The following ZYG11A variants were observed in gnomAD, a reference collection of about 807,000 sequenced individuals.
The protein encoded by ZYG11A is zyg-11 family member A, cell cycle regulator, also known as protein zyg-11 homolog A.
ZYG11A carries 62 observed loss-of-function variants against 77.2 expected under a neutral mutation model. That is an observed-to-expected ratio of 0.80 (90% CI 0.65 to 0.99). The LOEUF is 0.99. ZYG11A is among the 50% of genes least tolerant of loss of function. The probability of loss-of-function intolerance (pLI) is 0.00; values close to 1 mark genes in which losing one functional copy is unlikely to be tolerated. For missense variants in ZYG11A, 828 were observed against 896.8 expected, an observed-to-expected ratio of 0.92 and a Z score of 0.98; for synonymous variants, 315 against 324.6, an observed-to-expected ratio of 0.97 and a Z score of 0.32.
intron 10 of ZYG11A, 166 bp from the exon 11 acceptor site, chr1:52,881,305 C>T: frequency 1.9e-6 from 1 of 526,018 alleles, no homozygotes; most frequent in Middle Eastern, 5.0e-4. Flanking sequence ...TCATCCTCAT[C>T]AAGGGAGTTG....
At chr1:52,884,232 C>T (rs1468528455) in intron 11 of ZYG11A, among the ~76,000 whole-genome samples, 1 of 151,316 alleles carries the variant, frequency 6.6e-6, no homozygotes, top group East Asian at 2.0e-4. Flanking sequence ...CACGGTGGCT[C>T]ACGCCTGTAA....
At chr1:52,882,498 T>C (rs1468218586) in intron 11 of ZYG11A, among the ~76,000 whole-genome samples, 5 of 152,212 alleles carry the variant, frequency 3.3e-5, no homozygotes, top group African/African-American at 7.2e-5. Flanking sequence ...CCGTGTTTCC[T>C]GGCTTATGTG....
At chr1:52,884,989 A>G (rs995597191) in intron 11 of ZYG11A, among the ~76,000 whole-genome samples, 9 of 151,622 alleles carry the variant, frequency 5.9e-5, no homozygotes, top group Non-Finnish European at 1.3e-4. Flanking sequence ...GCTCACTGCA[A>G]CCTCTGCCTC....
chr1:52,850,542 A>C (rs1462943640), intron 1 of ZYG11A, among the ~76,000 whole-genome samples: 2 of 149,888 alleles, frequency 1.3e-5, no homozygotes, highest in African/African-American at 4.9e-5. Flanking sequence ...CTGGTCTCGA[A>C]CTCCTGACCT....
At chr1:52,876,604 C>T (rs543559724) in intron 8 of ZYG11A, among the ~76,000 whole-genome samples, 9 of 152,284 alleles carry the variant, frequency 5.9e-5, no homozygotes, top group East Asian at 1.9e-4. Flanking sequence ...CACTGTGATA[C>T]GCTCAGGGAC....
intron 11 of ZYG11A, among the ~76,000 whole-genome samples, chr1:52,883,669 TG>T (rs1341646527): frequency 6.6e-6 from 1 of 151,992 alleles, no homozygotes; most frequent in Non-Finnish European, 1.5e-5. Flanking sequence ...TCAAGGGATC[TG>T]CCCACCTCAG....
In ZYG11A at chr1:52,849,974, A is replaced by T. The variant is rs533033676; in HGVS notation, c.91-4491A>T. Among the ~76,000 whole-genome samples, 4 of 152,226 alleles carry T rather than the reference A, an allele frequency of 2.6e-5. No individual in the cohort carries two copies. The East Asian group carries it at 7.7e-4, about 29-fold the overall frequency. Reference sequence around the variant, plus strand: ...GCTGGGATTACAGGCGTGAGCCACCACACCTGGCCTCAATTATACATTTCT... The same window carrying T: ...GCTGGGATTACAGGCGTGAGCCACCTCACCTGGCCTCAATTATACATTTCT... On this transcript the variant is annotated intron_variant, in intron 1 of 13. Transcript: ENST00000371528.
intron 10 of ZYG11A, among the ~76,000 whole-genome samples, chr1:52,878,967 A>C (rs1057279368): frequency 1.3e-5 from 2 of 149,800 alleles, no homozygotes; most frequent in East Asian, 1.9e-4. Context: ...AAAAAAAAAA[A>C]AAAAAAAACA....
intron 10 of ZYG11A, among the ~76,000 whole-genome samples, chr1:52,878,981 C>T (rs1256806637): frequency 7.5e-6 from 1 of 133,522 alleles, no homozygotes; most frequent in African/African-American, 2.8e-5. Context: ...AAAAACAAAC[C>T]AAAAAACTCA....
intron 11 of ZYG11A, among the ~76,000 whole-genome samples, chr1:52,882,729 C>T (rs1217500176): frequency 6.6e-6 from 1 of 152,158 alleles, no homozygotes; most frequent in Non-Finnish European, 1.5e-5. Flanking sequence ...TTGTCAGGAT[C>T]ACTGTTGAGA....
At chr1:52,879,347 G>A (rs894122154) in intron 10 of ZYG11A, among the ~76,000 whole-genome samples, 5 of 152,182 alleles carry the variant, frequency 3.3e-5, no homozygotes, top group African/African-American at 1.2e-4. Flanking sequence ...TGCAAGAGAG[G>A]CACTGAGTCC....
chr1:52,844,255 A>T (rs1645519538), intron 1 of ZYG11A, among the ~76,000 whole-genome samples: 1 of 152,242 alleles, frequency 6.6e-6, no homozygotes, highest in African/African-American at 2.4e-5. Context: ...GTTGTGCTTT[A>T]CATATTAACG....
chr1:52,892,694 T>G lies in ZYG11A; in HGVS notation c.2105-88T>G, dbSNP rs976458163. On this transcript the variant is annotated intron_variant, in intron 13 of 13. Coordinates refer to ENST00000371528, the MANE Select transcript of ZYG11A (RefSeq NM_001004339.3). ...AGGCCAAAGAGCTTAAACCTTTGTATTGTTTCTTCAGCAAGGTGAATGTGG... is the reference window on the plus strand; with the variant it reads ...AGGCCAAAGAGCTTAAACCTTTGTAGTGTTTCTTCAGCAAGGTGAATGTGG... 47 of 1,160,032 alleles carry G rather than the reference T, an allele frequency of 4.1e-5. No individual in the cohort carries two copies. In the Admixed American group the frequency reaches 9.5e-4, roughly 23 times the overall value. 71.9% of individuals were successfully genotyped at this position (1,160,032 alleles called of 1,614,324 possible).
At chr1:52,892,591 A>C (rs1646564350) in intron 13 of ZYG11A, among the ~76,000 whole-genome samples, 191 bp from the exon 14 acceptor site, 1 of 152,088 alleles carries the variant, frequency 6.6e-6, no homozygotes, top group African/African-American at 2.4e-5. Context: ...TACTAAAATG[A>C]GCATCTGTTA....
At chr1:52,845,280 C>G (rs1645541204) in intron 1 of ZYG11A, among the ~76,000 whole-genome samples, 2 of 147,718 alleles carry the variant, frequency 1.4e-5, no homozygotes, top group South Asian at 2.1e-4. Context: ...AGCAATCTTG[C>G]ATTTGTATGT....
chr1:52,864,154 G>C lies in ZYG11A; in HGVS notation c.1323G>C (p.Gln441His). ...FKALKNFPHY[Q>H]QLQKNCLLSL... Reference sequence around the variant, plus strand: ...CTCTGAAAAATTTCCCCCATTACCAGCAGGTAATTTCAATTGAATATTTGT... The same window carrying C: ...CTCTGAAAAATTTCCCCCATTACCACCAGGTAATTTCAATTGAATATTTGT... The change falls in exon 5 of 14, where the codon CAG (glutamine) becomes CAC (histidine). Residue 441 changes from glutamine (Q) to histidine (H), a missense_variant. Gln to His is a conservative substitution (Grantham distance 24). Coordinates refer to ENST00000371528, the MANE Select transcript of ZYG11A (RefSeq NM_001004339.3). 6.4e-7 allele frequency: 1 copy of C among 1,551,150 alleles called. No homozygotes were observed. Among genetic ancestry groups the C allele is most frequent in the Non-Finnish European group, 8.7e-7 (1 of 1,146,824 alleles).
chr1:52,877,345 T>A (rs12059821), intron 8 of ZYG11A, among the ~76,000 whole-genome samples: 3,866 of 152,278 alleles, frequency 0.025, 165 homozygotes, highest in African/African-American at 0.088. Context: ...GTCTGCCTTC[T>A]ACCCTTTTTT....
In ZYG11A at chr1:52,857,348, C is replaced by G. The variant is rs1423232002; in HGVS notation, c.607C>G (p.Gln203Glu). The change falls in exon 3 of 14, where the codon CAG (glutamine) becomes GAG (glutamate). Residue 203 changes from glutamine (Q) to glutamate (E), a missense_variant. Gln to Glu is a conservative substitution (Grantham distance 29). Transcript: ENST00000371528. ...TACTGAAGACCTGGCTAATGTTTCT[C>G]AGTTACCAAGACTGGAAAGCTTAGA... The part of the protein sequence containing the change: ...FHTEDLANVS[Q>E]LPRLESLDIS... 4.5e-6 allele frequency: 7 copies of G among 1,551,788 alleles called. No homozygotes were observed. In the South Asian group the frequency reaches 5.9e-5, roughly 13 times the overall value.
chr1:52,842,923 A>G lies in ZYG11A; in HGVS notation c.40A>G (p.Ile14Val). The change falls in exon 1 of 14, where the codon ATC (isoleucine) becomes GTC (valine). Residue 14 changes from isoleucine (I) to valine (V), a missense_variant. By Grantham distance (29) the Ile-to-Val change is conservative (BLOSUM62 3). Transcript: ENST00000371528. ...FLHPGHTPRNIVPPDAQKDAL... is the reference protein window; with the variant it reads ...FLHPGHTPRNVVPPDAQKDAL... ...GCACCCGGGCCACACGCCCCGGAAC[A>G]TCGTCCCTCCTGACGCTCAGAAGGA... 6.5e-7 allele frequency: 1 copy of G among 1,529,034 alleles called. No individual in the cohort carries two copies. Among genetic ancestry groups the G allele is most frequent in the Non-Finnish European group, 8.8e-7 (1 of 1,137,626 alleles). 94.7% of individuals were successfully genotyped at this position (1,529,034 alleles called of 1,614,324 possible).
Sources: gnomAD v4.1 joint callset for allele counts (sites outside exome capture counted in the v4.1 genomes callset) on GRCh38, gnomAD v4.1.1 for gene constraint, MANE v1.5 for transcripts, NCBI Gene and HGNC (gene_info 2026-07-23, HGNC 2026-07-21) for gene names.